RABGAP1L: variants seen among roughly 807,000 people sequenced by gnomAD.
The protein encoded by RABGAP1L is rab GTPase-activating protein 1-like.
In RABGAP1L, 63 loss-of-function variants were observed where a neutral mutation model predicts 137.7. The ratio of observed to expected loss-of-function variants is 0.46; its 90% confidence interval spans 0.37 to 0.56. The LOEUF (loss-of-function observed/expected upper bound fraction) is 0.56. Among genes scored for constraint, RABGAP1L ranks in the 20% least tolerant of loss-of-function variants. The probability of loss-of-function intolerance (pLI) is 0.00; values close to 1 mark genes in which losing one functional copy is unlikely to be tolerated. For missense variants in RABGAP1L, 1,095 were observed against 1,244.0 expected (o/e 0.88, Z 1.80); for synonymous variants, 431 against 433.7 (o/e 0.99, Z 0.08).
chr1:174,407,227 A>T (rs1414049377), intron 13 of RABGAP1L, among the ~76,000 whole-genome samples: 1 of 151,228 alleles, frequency 6.6e-6, no homozygotes, highest in Non-Finnish European at 1.5e-5. Flanking sequence ...TCACAGTTCC[A>T]TTTTGCAGCC....
chr1:174,843,384 C>G (rs1025034383), intron 19 of RABGAP1L, among the ~76,000 whole-genome samples: 27 of 151,428 alleles, frequency 1.8e-4, no homozygotes, highest in Non-Finnish European at 3.2e-4. Flanking sequence ...CCTCTCCCCC[C>G]ACCCCACAAC....
intron 1 of RABGAP1L, among the ~76,000 whole-genome samples, chr1:174,201,269 T>C (rs1668077826): frequency 6.6e-6 from 1 of 151,498 alleles, no homozygotes; most frequent in Admixed American, 6.6e-5. Flanking sequence ...AATTTTTTTT[T>C]TTTTTTTTTG....
chr1:174,929,747 C>G (rs1486603997), intron 19 of RABGAP1L, among the ~76,000 whole-genome samples: 1 of 102,322 alleles, frequency 9.8e-6, no homozygotes, highest in Non-Finnish European at 2.0e-5. Context: ...GACACTGTCT[C>G]TACAAAAAAT....
intron 9 of RABGAP1L, 92 bp downstream of exon 9, chr1:174,276,027 CAA>C: frequency 1.1e-6 from 1 of 878,598 alleles, no homozygotes; most frequent in Non-Finnish European, 1.7e-6. Flanking sequence ...ATTTGGAACT[CAA>C]AGTGGACTTA....
intron 10 of RABGAP1L, among the ~76,000 whole-genome samples, chr1:174,292,019 T>TTTATTA (rs60906954): frequency 0.08 from 11,100 of 138,928 alleles, 810 homozygotes; most frequent in African/African-American, 0.2. Flanking sequence ...GATTAGATCA[T>TTTATTA]TTATTATTAT....
chr1:174,604,469 G>C (rs1236274173), intron 13 of RABGAP1L, among the ~76,000 whole-genome samples: 1 of 152,160 alleles, frequency 6.6e-6, no homozygotes, highest in Non-Finnish European at 1.5e-5. Flanking sequence ...ACCCTCTTCA[G>C]TGCCTTTTTC....
intron 19 of RABGAP1L, among the ~76,000 whole-genome samples, chr1:174,933,363 G>C (rs968642530): frequency 6.6e-6 from 1 of 151,918 alleles, no homozygotes; most frequent in Non-Finnish European, 1.5e-5. Context: ...TTCTGCTTGG[G>C]CTCCAACACA....
intron 13 of RABGAP1L, among the ~76,000 whole-genome samples, chr1:174,466,729 A>G (rs920049262): frequency 4.6e-5 from 7 of 152,296 alleles, no homozygotes; most frequent in East Asian, 3.9e-4. Flanking sequence ...GGAGGCTACA[A>G]TGAGCCAAGA....
At chr1:174,343,985 A>G (rs1682212179) in intron 11 of RABGAP1L, among the ~76,000 whole-genome samples, 1 of 152,138 alleles carries the variant, frequency 6.6e-6, no homozygotes, top group Admixed American at 6.5e-5. Flanking sequence ...GCTGCTGGCC[A>G]TTTAGGCCTG....
At chr1:174,182,256 A>G (rs1395971284) in intron 1 of RABGAP1L, among the ~76,000 whole-genome samples, 3 of 152,226 alleles carry the variant, frequency 2.0e-5, no homozygotes, top group African/African-American at 7.2e-5. Context: ...TGAAATATGC[A>G]TTAAGGAGAT....
chr1:174,844,007 T>C (rs1693774206), intron 19 of RABGAP1L, among the ~76,000 whole-genome samples: 6 of 145,738 alleles, frequency 4.1e-5, no homozygotes, highest in African/African-American at 1.3e-4. Context: ...CATGTGTTTT[T>C]TGGCTGCATA....
chr1:174,441,865 GAA>G (rs2149232752), intron 13 of RABGAP1L, among the ~76,000 whole-genome samples: 2 of 147,604 alleles, frequency 1.4e-5, no homozygotes, highest in East Asian at 3.9e-4. Context: ...TTGGTGGAAA[GAA>G]AGAGGGAGGC....
intron 19 of RABGAP1L, among the ~76,000 whole-genome samples, chr1:174,836,027 C>G (rs779330525): frequency 6.6e-6 from 1 of 152,196 alleles, no homozygotes; most frequent in Non-Finnish European, 1.5e-5. Context: ...GCCATCTGAA[C>G]TTTGCATAAA....
intron 19 of RABGAP1L, among the ~76,000 whole-genome samples, chr1:174,943,317 C>T (rs961928615): frequency 1.3e-5 from 2 of 152,136 alleles, no homozygotes; most frequent in Admixed American, 6.5e-5. Flanking sequence ...GCCGGTCTTG[C>T]TCTTGGTCAT....
intron 20 of RABGAP1L, among the ~76,000 whole-genome samples, chr1:174,964,278 T>C (rs186351937): frequency 6.6e-6 from 1 of 152,298 alleles, no homozygotes; most frequent in Non-Finnish European, 1.5e-5. Context: ...TTTAAAAGCA[T>C]GTGCCAAGAA....
chr1:174,570,786 G>C (rs892722760), intron 13 of RABGAP1L, among the ~76,000 whole-genome samples: 1 of 152,166 alleles, frequency 6.6e-6, no homozygotes, highest in Admixed American at 6.6e-5. Flanking sequence ...TGCTAGCAAG[G>C]ATGTGGAGAA....
chr1:174,985,569 TTCC>T (rs1671522241), intron 24 of RABGAP1L, among the ~76,000 whole-genome samples: 1 of 152,216 alleles, frequency 6.6e-6, no homozygotes, highest in Non-Finnish European at 1.5e-5. Context: ...TCTCTAGTGC[TTCC>T]TCCTATCTCA....
At chr1:174,966,083 A>G (rs1669594347) in intron 20 of RABGAP1L, among the ~76,000 whole-genome samples, 1 of 152,232 alleles carries the variant, frequency 6.6e-6, no homozygotes. Context: ...TAAATACTTG[A>G]ACAAAGTACT....
At chr1:174,433,351 G>T (rs920966755) in intron 13 of RABGAP1L, among the ~76,000 whole-genome samples, 1 of 152,144 alleles carries the variant, frequency 6.6e-6, no homozygotes, top group Non-Finnish European at 1.5e-5. Flanking sequence ...TTATTTTATT[G>T]CTCTGCATAC....
Sources: allele counts gnomAD v4.1 joint callset (sites outside exome capture counted in the v4.1 genomes callset), GRCh38; gene constraint gnomAD v4.1.1; transcripts MANE v1.5; gene names NCBI Gene and HGNC (gene_info 2026-07-23, HGNC 2026-07-21).